EPHA6: variants seen among roughly 807,000 people sequenced by gnomAD.
The protein encoded by EPHA6 is EPH receptor A6.
EPHA6 carries 50 observed loss-of-function variants against 112.0 expected under a neutral mutation model. The ratio of observed to expected loss-of-function variants is 0.45; its 90% confidence interval spans 0.36 to 0.56. EPHA6 has a LOEUF of 0.56. EPHA6 is among the 20% of genes least tolerant of loss of function. The pLI, the probability that EPHA6 is intolerant of heterozygous loss-of-function variation, is 0.00. For synonymous variants in EPHA6, 529 were observed against 490.7 expected (o/e 1.08, Z -1.03); for missense variants, 1,280 against 1,417.4 (o/e 0.90, Z 1.56).
At chr3:97,469,828 A>T (rs1209005421) in intron 7 of EPHA6, among the ~76,000 whole-genome samples, 1 of 151,660 alleles carries the variant, frequency 6.6e-6, no homozygotes, top group Non-Finnish European at 1.5e-5. Flanking sequence ...TTGTGAAGAG[A>T]TACTGTGGAA....
intron 2 of EPHA6, among the ~76,000 whole-genome samples, chr3:96,900,524 A>T (rs2038544273): frequency 6.6e-6 from 1 of 152,236 alleles, no homozygotes; most frequent in African/African-American, 2.4e-5. Context: ...AAATACTCTG[A>T]CACCCATGGA....
chr3:97,516,762 A>T (rs977161633), intron 10 of EPHA6, among the ~76,000 whole-genome samples: 1 of 152,116 alleles, frequency 6.6e-6, no homozygotes, highest in African/African-American at 2.4e-5. Flanking sequence ...TATGCAGTTA[A>T]ATTAAATAAA....
intron 1 of EPHA6, among the ~76,000 whole-genome samples, chr3:96,818,503 G>T (rs2032990114): frequency 6.6e-6 from 1 of 151,870 alleles, no homozygotes; most frequent in African/African-American, 2.4e-5. Flanking sequence ...TAGTGTGGCT[G>T]GTTGATTTCA....
intron 2 of EPHA6, among the ~76,000 whole-genome samples, chr3:96,903,362 C>T (rs568195663): frequency 3.9e-5 from 6 of 151,996 alleles, no homozygotes; most frequent in Admixed American, 6.6e-5. Context: ...TTCTTATGTG[C>T]GATTTTGTCT....
At chr3:97,245,437 A>G (rs563927912) in intron 5 of EPHA6, among the ~76,000 whole-genome samples, 5 of 152,072 alleles carry the variant, frequency 3.3e-5, no homozygotes, top group African/African-American at 7.2e-5. Flanking sequence ...TCTAAATGCA[A>G]TCTCATTCTG....
chr3:97,158,858 G>C (rs2076348764), intron 3 of EPHA6, among the ~76,000 whole-genome samples: 1 of 152,098 alleles, frequency 6.6e-6, no homozygotes, highest in Non-Finnish European at 1.5e-5. Context: ...GCATTGCCAT[G>C]GTGAAATTTT....
chr3:97,453,007 A>C (rs2090576514), intron 7 of EPHA6, among the ~76,000 whole-genome samples: 1 of 151,746 alleles, frequency 6.6e-6, no homozygotes, highest in Admixed American at 6.6e-5. Flanking sequence ...GTTAAATTAC[A>C]CTTACACATT....
At chr3:97,701,990 C>G (rs527403358) in intron 14 of EPHA6, among the ~76,000 whole-genome samples, 1 of 152,258 alleles carries the variant, frequency 6.6e-6, no homozygotes, top group South Asian at 2.1e-4. Context: ...CAAGAGTATC[C>G]TGCTCTGACA....
intron 14 of EPHA6, among the ~76,000 whole-genome samples, chr3:97,653,094 T>C (rs971478565): frequency 6.6e-6 from 1 of 151,984 alleles, no homozygotes; most frequent in African/African-American, 2.4e-5. Flanking sequence ...CTTAATATTA[T>C]AAGTCACTAT....
At chr3:97,370,373 T>A (rs545637924) in intron 5 of EPHA6, among the ~76,000 whole-genome samples, 2 of 152,334 alleles carry the variant, frequency 1.3e-5, no homozygotes, top group Non-Finnish European at 2.9e-5. Context: ...CAAAAAATTC[T>A]TGTATAACAT....
intron 3 of EPHA6, among the ~76,000 whole-genome samples, chr3:97,163,520 G>A (rs554133363): frequency 3.9e-5 from 6 of 152,188 alleles, no homozygotes; most frequent in Non-Finnish European, 8.8e-5. Context: ...AACTCAGTAG[G>A]TCTTTTGGAA....
At chr3:96,822,135 A>G (rs555955904) in intron 1 of EPHA6, among the ~76,000 whole-genome samples, 2 of 151,954 alleles carry the variant, frequency 1.3e-5, no homozygotes, top group Non-Finnish European at 2.9e-5. Context: ...AAAAATGTAT[A>G]AATATGCATT....
chr3:97,198,450 G>A (rs1384182274), intron 3 of EPHA6, among the ~76,000 whole-genome samples: 2 of 152,088 alleles, frequency 1.3e-5, no homozygotes, highest in Non-Finnish European at 1.5e-5. Flanking sequence ...CTGAAGTTTA[G>A]CCCGAGTACT....
chr3:97,038,976 T>G (rs1285777932), intron 3 of EPHA6, among the ~76,000 whole-genome samples: 1 of 152,102 alleles, frequency 6.6e-6, no homozygotes, highest in African/African-American at 2.4e-5. Context: ...CACTGTATAT[T>G]CGGTTTTGGT....
chr3:97,479,753 T>C (rs1436162971), intron 9 of EPHA6, among the ~76,000 whole-genome samples: 1 of 152,218 alleles, frequency 6.6e-6, no homozygotes, highest in Admixed American at 6.5e-5. Flanking sequence ...CTTTTAAATA[T>C]ATAACAAATC....
intron 5 of EPHA6, among the ~76,000 whole-genome samples, chr3:97,400,239 C>G (rs2086917923): frequency 6.6e-6 from 1 of 151,562 alleles, no homozygotes; most frequent in Admixed American, 6.6e-5. Flanking sequence ...TTTTTGGCAT[C>G]TTTGCCAAAA....
intron 4 of EPHA6, among the ~76,000 whole-genome samples, chr3:97,230,563 A>G (rs1161776248): frequency 2.0e-5 from 3 of 152,160 alleles, no homozygotes; most frequent in South Asian, 4.1e-4. Flanking sequence ...AGAGCATGCC[A>G]TTGTTGCTAT....
At chr3:96,960,074 G>C (rs1236365684) in intron 2 of EPHA6, among the ~76,000 whole-genome samples, 1 of 152,138 alleles carries the variant, frequency 6.6e-6, no homozygotes, top group Non-Finnish European at 1.5e-5. Flanking sequence ...TACGAGTAAT[G>C]TCTTTGAGGA....
chr3:97,575,380 G>A (rs2093372496), intron 11 of EPHA6, among the ~76,000 whole-genome samples: 1 of 152,130 alleles, frequency 6.6e-6, no homozygotes, highest in Non-Finnish European at 1.5e-5. Flanking sequence ...ATCATGAGAG[G>A]TCTCCAAAAC....
Sources: allele counts gnomAD v4.1 joint callset (sites outside exome capture counted in the v4.1 genomes callset), GRCh38; gene constraint gnomAD v4.1.1; transcripts MANE v1.5; gene names NCBI Gene and HGNC (gene_info 2026-07-23, HGNC 2026-07-21).